Variants in DPYSL2 observed in about 807,000 individuals in gnomAD.
DPYSL2 encodes the protein dihydropyrimidinase like 2.
A neutral mutation model predicts 69.9 loss-of-function variants in DPYSL2; 13 were observed. That is an observed-to-expected ratio of 0.19 (90% CI 0.12 to 0.30). DPYSL2 has a LOEUF of 0.30. Among genes scored for constraint, DPYSL2 ranks in the 10% least tolerant of loss-of-function variants. The pLI, the probability that DPYSL2 is intolerant of heterozygous loss-of-function variation, is 1.00. For missense variants in DPYSL2, 587 were observed against 918.9 expected (o/e 0.64, Z 4.67); for synonymous variants, 326 against 359.1 (o/e 0.91, Z 1.04).
intron 11 of DPYSL2, among the ~76,000 whole-genome samples, chr8:26,651,110 T>C (rs1264122313): frequency 6.6e-6 from 1 of 152,212 alleles, no homozygotes; most frequent in East Asian, 1.9e-4. Context: ...AGAGTCCTCT[T>C]CCCTCCCTGC....
At position 26,647,078 on chromosome 8, in the gene DPYSL2, A is replaced by T. The variant is rs768374351; in HGVS notation, c.1426-552A>T. Reference sequence around the variant, plus strand: ...GCCAAATGATATTTCCTAAAGAGGGATTGCCACCCCTGCAAATTAAACGAA... The same window carrying T: ...GCCAAATGATATTTCCTAAAGAGGGTTTGCCACCCCTGCAAATTAAACGAA... On this transcript the variant is annotated intron_variant, in intron 10 of 13. Transcript: ENST00000521913. This position sits in a 1 kb window ranked among gnomAD's most constrained non-coding sequence, Gnocchi z 5.1. Among the ~76,000 whole-genome samples, 5 of 152,072 alleles carry T rather than the reference A, an allele frequency of 3.3e-5. No homozygotes were observed. The highest frequency in any genetic ancestry group is 5.9e-5 in the Non-Finnish European group (4 of 68,016).
chr8:26,534,505 G>A lies in DPYSL2; in HGVS notation c.354+19826G>A, dbSNP rs77119835. ...TTTCCAAGATAAAATTGTGAGCTCTGGAGCCAGTTACCACTGCTAACAGCT... is the reference window on the plus strand; with the variant it reads ...TTTCCAAGATAAAATTGTGAGCTCTAGAGCCAGTTACCACTGCTAACAGCT... On this transcript the variant is annotated intron_variant, in intron 1 of 13. Coordinates refer to ENST00000521913, the MANE Select transcript of DPYSL2 (RefSeq NM_001197293.3). Among the ~76,000 whole-genome samples, 617 of 152,248 alleles carry A rather than the reference G, an allele frequency of 4.1e-3. 2 individuals carry two copies. The highest frequency in any genetic ancestry group is 0.014 in the African/African-American group (566 of 41,540).
rs1213114015 is a variant in DPYSL2 at position 26,609,641 on chromosome 8, C to A, written c.629-14502C>A. ...TGTCGTTATTCACATGTTTCTCTGG[C>A]CACCTCATCGGGCTGGACGCTGCCG... On this transcript the variant is annotated intron_variant, in intron 3 of 13. Transcript: ENST00000521913. The surrounding 1 kb of genome is among the most constrained non-coding windows in gnomAD (Gnocchi z 6.5). Among the ~76,000 whole-genome samples, 1 of 152,206 alleles carries A rather than the reference C, an allele frequency of 6.6e-6. No individual in the cohort carries two copies. Among genetic ancestry groups the A allele is most frequent in the East Asian group, 1.9e-4 (1 of 5,202 alleles).
rs944843394 is a variant in DPYSL2 at position 26,533,022 on chromosome 8, C to G, written c.354+18343C>G. Among the ~76,000 whole-genome samples the G allele has an allele frequency of 6.6e-6, 1 of 152,076 alleles. No individual in the cohort carries two copies. Among genetic ancestry groups the G allele is most frequent in the African/African-American group, 2.4e-5 (1 of 41,394 alleles). On this transcript the variant is annotated intron_variant, in intron 1 of 13. Coordinates refer to ENST00000521913, the MANE Select transcript of DPYSL2 (RefSeq NM_001197293.3). This position sits in a 1 kb window ranked among gnomAD's most constrained non-coding sequence, Gnocchi z 4.8. Reference sequence around the variant, plus strand: ...TAGTGTATGAGGTTTCCAACTTCGCCGCATCCTTGTCTACACTTGTTATTG... The same window carrying G: ...TAGTGTATGAGGTTTCCAACTTCGCGGCATCCTTGTCTACACTTGTTATTG...
At chr8:26,623,962 T>C (rs975123863) in intron 3 of DPYSL2, 181 bp from the exon 4 acceptor site, 3 of 640,742 alleles carry the variant, frequency 4.7e-6, no homozygotes, top group African/African-American at 1.8e-5. Context: ...GTTTCTGCTT[T>C]CTGCTTTCTC....
In DPYSL2 at chr8:26,648,815, A is replaced by G. The variant is rs539229516; in HGVS notation, c.1596+1015A>G. On this transcript the variant is annotated intron_variant, in intron 11 of 13. Coordinates refer to ENST00000521913, the MANE Select transcript of DPYSL2 (RefSeq NM_001197293.3). The surrounding 1 kb of genome is among the most constrained non-coding windows in gnomAD (Gnocchi z 4.3). ...CACACACAGAGGTGTTTGGGCTGCA[A>G]TGGGCTCAGGCTCAGCTCTGGCTTC... Among the ~76,000 whole-genome samples, 27 of 152,320 alleles carry G rather than the reference A, an allele frequency of 1.8e-4. No homozygotes were observed. Among genetic ancestry groups the G allele is most frequent in the Middle Eastern group, 3.4e-3 (1 of 294 alleles).
chr8:26,535,773 A>G (rs1800581708), intron 1 of DPYSL2, among the ~76,000 whole-genome samples: 1 of 152,152 alleles, frequency 6.6e-6, no homozygotes, highest in Non-Finnish European at 1.5e-5. Context: ...GTGCCAGGAC[A>G]TAGTGCAGTA....
At chr8:26,521,506 ATTGAC>A (rs1158033234) in intron 1 of DPYSL2, among the ~76,000 whole-genome samples, 1 of 151,474 alleles carries the variant, frequency 6.6e-6, no homozygotes, top group Non-Finnish European at 1.5e-5. Context: ...TCGAGGCAAA[ATTGAC>A]TTAACATAAA....
chr8:26,549,227 A>ATAG (rs760341334), intron 1 of DPYSL2, among the ~76,000 whole-genome samples: 1 of 149,186 alleles, frequency 6.7e-6, no homozygotes, highest in Non-Finnish European at 1.5e-5. Context: ...AATAATAATA[A>ATAG]TCAAAAGGAT....
intron 1 of DPYSL2, among the ~76,000 whole-genome samples, chr8:26,548,688 G>C (rs1250590444): frequency 1.3e-5 from 2 of 151,712 alleles, no homozygotes; most frequent in Admixed American, 1.3e-4. Flanking sequence ...TCCAAGACCA[G>C]CCTAAGCACT....
At chr8:26,548,364 A>G (rs934963299) in intron 1 of DPYSL2, 2 of 254,038 alleles carry the variant, frequency 7.9e-6, no homozygotes, top group Non-Finnish European at 1.6e-5. Context: ...CCTGGAGAAA[A>G]TTGTTAACCC....
At chr8:26,566,410 T>C (rs1296734486) in intron 1 of DPYSL2, among the ~76,000 whole-genome samples, 3 of 152,210 alleles carry the variant, frequency 2.0e-5, no homozygotes, top group Non-Finnish European at 4.4e-5. Context: ...TACTGTGAAA[T>C]GCTGAGTAAA....
rs1276430893 is a variant in DPYSL2 at position 26,626,141 on chromosome 8, C to T, written c.794-476C>T. On this transcript the variant is annotated intron_variant, in intron 4 of 13. Transcript: ENST00000521913. The surrounding 1 kb of genome is among the most constrained non-coding windows in gnomAD (Gnocchi z 4.3). ...TTACCATGATGTCCTTAAGGTTTCT[C>T]CATGTTGTAGCATGTGTCAGGGTGT... 6.6e-6 allele frequency among the ~76,000 whole-genome samples: 1 copy of T among 152,146 alleles called. No homozygotes were observed. Among genetic ancestry groups the T allele is most frequent in the African/African-American group, 2.4e-5 (1 of 41,436 alleles).
intron 1 of DPYSL2, among the ~76,000 whole-genome samples, chr8:26,569,382 A>AAT (rs1801203300): frequency 1.3e-5 from 2 of 151,256 alleles, no homozygotes; most frequent in African/African-American, 2.4e-5. Flanking sequence ...AAAAACAAAA[A>AAT]AAAACCAAAG....
At chr8:26,532,516 A>C (rs988656532) in intron 1 of DPYSL2, among the ~76,000 whole-genome samples, 18 of 152,216 alleles carry the variant, frequency 1.2e-4, no homozygotes, top group Non-Finnish European at 2.4e-4. Context: ...CCCAGTAAAC[A>C]GTCGCTATCC....
At chr8:26,637,105 CT>C (rs1802940129) in intron 8 of DPYSL2, among the ~76,000 whole-genome samples, 1 of 152,148 alleles carries the variant, frequency 6.6e-6, no homozygotes, top group Admixed American at 6.5e-5. Flanking sequence ...TAGGAGGGGA[CT>C]TTAGTCTGTT....
chr8:26,529,728 ATTT>A (rs71216757), intron 1 of DPYSL2, among the ~76,000 whole-genome samples: 92 of 135,456 alleles, frequency 6.8e-4, no homozygotes, highest in Non-Finnish European at 9.0e-4. Flanking sequence ...TTTAACCGTA[ATTT>A]TTTTTTTTTT....
intron 1 of DPYSL2, among the ~76,000 whole-genome samples, chr8:26,529,317 T>C (rs1022193454): frequency 1.3e-5 from 2 of 151,838 alleles, no homozygotes; most frequent in Non-Finnish European, 2.9e-5. Context: ...TATCTATCTA[T>C]CTATCATCTA....
chr8:26,638,899 C>T (rs546762642), intron 8 of DPYSL2, among the ~76,000 whole-genome samples: 3 of 152,338 alleles, frequency 2.0e-5, no homozygotes, highest in African/African-American at 7.2e-5. Flanking sequence ...CCTCTGACCA[C>T]ATTTTGTCCA....
Sources: allele counts gnomAD v4.1 joint callset (sites outside exome capture counted in the v4.1 genomes callset), GRCh38; gene constraint gnomAD v4.1.1; non-coding constraint Gnocchi (gnomAD v3.1); transcripts MANE v1.5; gene names NCBI Gene and HGNC (gene_info 2026-07-23, HGNC 2026-07-21).